Variants in UNC13B observed in about 807,000 individuals in gnomAD.
UNC13B encodes the protein protein unc-13 homolog B.
UNC13B carries 144 observed loss-of-function variants against 211.0 expected under a neutral mutation model. That is an observed-to-expected ratio of 0.68 (90% CI 0.60 to 0.78). UNC13B has a LOEUF of 0.78. Ranked by LOEUF, UNC13B falls within the 30% of genes least tolerant of loss-of-function variation. UNC13B has a pLI of 0.00. For missense variants in UNC13B, 1,777 were observed against 2,002.0 expected, an observed-to-expected ratio of 0.89 and a Z score of 2.14; for synonymous variants, 709 against 725.8, an observed-to-expected ratio of 0.98 and a Z score of 0.37.
chr9:35,390,030 A>G, intron 25 of UNC13B, 57 bp downstream of exon 25: 1 of 1,600,898 alleles, frequency 6.2e-7, no homozygotes, highest in Non-Finnish European at 8.5e-7. Context: ...CATCTGTCTA[A>G]CAACCTCTTT....
intron 11 of UNC13B, among the ~76,000 whole-genome samples, chr9:35,315,119 T>C: frequency 1.3e-5 from 2 of 150,604 alleles, no homozygotes; most frequent in East Asian, 3.9e-4. Context: ...CTTGAACTCC[T>C]GGCCTGAAGT....
intron 1 of UNC13B, among the ~76,000 whole-genome samples, chr9:35,194,817 G>A (rs1173427688): frequency 6.6e-6 from 1 of 152,172 alleles, no homozygotes; most frequent in East Asian, 1.9e-4. Flanking sequence ...TCTCGTGCCA[G>A]AAAAATTTAG....
chr9:35,307,380 C>A lies in UNC13B; in HGVS notation c.7976C>A (p.Pro2659His). Residue 2659 changes from proline (P) to histidine (H), a missense_variant, in exon 9 of 40, where the codon CCT becomes CAT. By Grantham distance (77) the Pro-to-His change is moderately conservative. Transcript: ENST00000635942. ...FALPAQLHPDPTCIAEELPPP... is the reference protein window; with the variant it reads ...FALPAQLHPDHTCIAEELPPP... ...CTGCCAGCACAGTTGCATCCAGATC[C>A]TACCTGCATTGCCGAAGAGCTTCCT... 1 of 399,030 alleles carries A rather than the reference C, an allele frequency of 2.5e-6. No homozygotes were observed. 24.7% of individuals were successfully genotyped at this position (399,030 alleles called of 1,614,324 possible). A position where few individuals can be genotyped will look rare whatever the true frequency, so the allele number is the denominator to read the frequency against.
chr9:35,176,546 T>TCAAA (rs1174975137), intron 1 of UNC13B, among the ~76,000 whole-genome samples: 1 of 151,932 alleles, frequency 6.6e-6, no homozygotes, highest in East Asian at 1.9e-4. Flanking sequence ...AGAGTTTGTC[T>TCAAA]CAAACAAACA....
chr9:35,241,251 T>C (rs1564087071), intron 5 of UNC13B, among the ~76,000 whole-genome samples: 1 of 152,068 alleles, frequency 6.6e-6, no homozygotes, highest in Non-Finnish European at 1.5e-5. Flanking sequence ...ATTTTGGCCA[T>C]GGTCTGACTC....
At chr9:35,237,060 C>T (rs1825553819) in intron 4 of UNC13B, among the ~76,000 whole-genome samples, 1 of 152,136 alleles carries the variant, frequency 6.6e-6, no homozygotes, top group South Asian at 2.1e-4. Flanking sequence ...AAGGAACTAC[C>T]AGGCTTGGCA....
At chr9:35,299,232 C>CA (rs1178682955) in intron 8 of UNC13B, among the ~76,000 whole-genome samples, 7 of 148,746 alleles carry the variant, frequency 4.7e-5, no homozygotes, top group Middle Eastern at 3.2e-3. Context: ...AACTCCGTCT[C>CA]AAAAAAAAAT....
chr9:35,246,650 C>T (rs1277266853), intron 6 of UNC13B, among the ~76,000 whole-genome samples: 3 of 152,142 alleles, frequency 2.0e-5, no homozygotes, highest in Admixed American at 1.3e-4. Flanking sequence ...TGTCAAAGAT[C>T]AGATGGTTGT....
intron 1 of UNC13B, among the ~76,000 whole-genome samples, chr9:35,169,303 A>C (rs995153513): frequency 6.6e-6 from 1 of 152,190 alleles, no homozygotes; most frequent in African/African-American, 2.4e-5. Context: ...GTAGTGAGCC[A>C]TGTTCATGCC....
At position 35,295,715 on chromosome 9, in the gene UNC13B, T is replaced by C. The variant is rs1380878536; in HGVS notation, c.546T>C (p.Ser182=). ...CCATAGCTTTTGAAGACCCTGATAG[T>C]GCCGTCGATGACCGAGATAGTGACT... ...AAQCSFEDPD[S]AVDDRDSDYR... The change falls in exon 8 of 40, where the codon AGT becomes AGC. Residue 182 remains serine, a synonymous_variant. Coordinates refer to ENST00000635942, the MANE Select transcript of UNC13B (RefSeq NM_001371189.2). The C allele has an allele frequency of 6.2e-7, 1 of 1,614,140 alleles. No homozygotes were observed. Among genetic ancestry groups the C allele is most frequent in the South Asian group, 1.1e-5 (1 of 91,066 alleles).
intron 1 of UNC13B, among the ~76,000 whole-genome samples, chr9:35,224,293 C>T (rs1824719885): frequency 6.6e-6 from 1 of 151,992 alleles, no homozygotes; most frequent in Non-Finnish European, 1.5e-5. Flanking sequence ...TACGTTTTTC[C>T]ATTTGTTTGT....
At chr9:35,338,170 G>T (rs897589337) in intron 11 of UNC13B, among the ~76,000 whole-genome samples, 1 of 152,098 alleles carries the variant, frequency 6.6e-6, no homozygotes, top group African/African-American at 2.4e-5. Context: ...TTAATTATTT[G>T]GTCCTGAAAT....
At chr9:35,195,651 G>A (rs1261740568) in intron 1 of UNC13B, among the ~76,000 whole-genome samples, 3 of 152,164 alleles carry the variant, frequency 2.0e-5, no homozygotes, top group Non-Finnish European at 4.4e-5. Flanking sequence ...CAAGAAAAGG[G>A]TGTTCATAAG....
At chr9:35,247,322 T>A (rs1826164090) in intron 6 of UNC13B, among the ~76,000 whole-genome samples, 1 of 152,222 alleles carries the variant, frequency 6.6e-6, no homozygotes, top group South Asian at 2.1e-4. Context: ...GATTTCCTCT[T>A]TTTCTAATTG....
chr9:35,262,166 T>G (rs1827313168), intron 7 of UNC13B, among the ~76,000 whole-genome samples: 1 of 152,178 alleles, frequency 6.6e-6, no homozygotes, highest in Non-Finnish European at 1.5e-5. Flanking sequence ...ATTTCATTTA[T>G]TGTCCTGTCT....
chr9:35,166,328 C>A (rs1364171308), intron 1 of UNC13B, among the ~76,000 whole-genome samples: 2 of 151,878 alleles, frequency 1.3e-5, no homozygotes, highest in Non-Finnish European at 2.9e-5. Flanking sequence ...TTGCAGTGAG[C>A]CAAGATCATG....
At chr9:35,280,183 G>A (rs1025147371) in intron 7 of UNC13B, among the ~76,000 whole-genome samples, 1 of 152,104 alleles carries the variant, frequency 6.6e-6, no homozygotes, top group Admixed American at 6.6e-5. Flanking sequence ...GGTTGAGAAT[G>A]GTATAAAGTT....
chr9:35,334,124 A>G (rs1199499205), intron 11 of UNC13B, among the ~76,000 whole-genome samples: 1 of 151,726 alleles, frequency 6.6e-6, no homozygotes, highest in Non-Finnish European at 1.5e-5. Flanking sequence ...CACCACCATA[A>G]CTGGCTAACT....
intron 6 of UNC13B, among the ~76,000 whole-genome samples, chr9:35,254,931 AAT>A (rs1199376379): frequency 2.4e-5 from 3 of 123,434 alleles, no homozygotes; most frequent in East Asian, 2.1e-4. Flanking sequence ...TATATAATAT[AAT>A]ATATATTAAT....
Sources: allele counts gnomAD v4.1 joint callset (sites outside exome capture counted in the v4.1 genomes callset), GRCh38; gene constraint gnomAD v4.1.1; transcripts MANE v1.5; gene names NCBI Gene and HGNC (gene_info 2026-07-23, HGNC 2026-07-21).